Variants in ABTB2 observed in about 807,000 individuals in gnomAD.
ABTB2 encodes the protein ankyrin repeat and BTB/POZ domain-containing protein 2.
A neutral mutation model predicts 104.1 loss-of-function variants in ABTB2; 56 were observed. The observed-to-expected ratio is 0.54, with a 90% CI of 0.43 to 0.67. ABTB2 has a LOEUF of 0.67. Among genes scored for constraint, ABTB2 ranks in the 30% least tolerant of loss-of-function variants. The probability of loss-of-function intolerance (pLI) is 0.00; values close to 1 mark genes in which losing one functional copy is unlikely to be tolerated. For missense variants in ABTB2, 1,279 were observed against 1,407.7 expected, an observed-to-expected ratio of 0.91 and a Z score of 1.46; for synonymous variants, 606 against 608.2, an observed-to-expected ratio of 1.00 and a Z score of 0.05.
At chr11:34,160,405 C>G in intron 11 of ABTB2, 52 bp from the exon 12 acceptor site, 1 of 1,328,106 alleles carries the variant, frequency 7.5e-7, no homozygotes, top group Admixed American at 1.7e-5. Context: ...GCTGGCTGTT[C>G]ACAGATGCAG....
chr11:34,357,488 G>C lies in ABTB2; in HGVS notation c.96C>G (p.Leu32=). The C allele has an allele frequency of 1.3e-6, 2 of 1,544,298 alleles. No homozygotes were observed. Among genetic ancestry groups the C allele is most frequent in the African/African-American group, 1.4e-5 (1 of 73,154 alleles). ...GAGDSCRSLS[L]SSSKSNSQAL... Reference sequence around the variant, plus strand: ...CCTGCGAGTTGGACTTGGAGGACGAGAGGCTGAGCGAGCGGCACGAGTCCC... The same window carrying C: ...CCTGCGAGTTGGACTTGGAGGACGACAGGCTGAGCGAGCGGCACGAGTCCC... Residue 32 remains leucine, a synonymous_variant, in exon 1 of 17, where the codon CTC becomes CTG. Coordinates refer to ENST00000435224, the MANE Select transcript of ABTB2 (RefSeq NM_145804.3).
At chr11:34,226,877 C>G (rs1302227082) in intron 1 of ABTB2, among the ~76,000 whole-genome samples, 1 of 151,974 alleles carries the variant, frequency 6.6e-6, no homozygotes, top group Non-Finnish European at 1.5e-5. Context: ...ACCAGGCTGG[C>G]CAACATGGCA....
chr11:34,281,914 A>G (rs1854452637), intron 1 of ABTB2, among the ~76,000 whole-genome samples: 1 of 152,256 alleles, frequency 6.6e-6, no homozygotes, highest in African/African-American at 2.4e-5. Flanking sequence ...AACAGAGGAC[A>G]AATAAACTAT....
Position 34,154,642 on chromosome 11 carries a change from G to T in ABTB2, c.2766+59C>A. 4 of 1,554,456 alleles carry T rather than the reference G, an allele frequency of 2.6e-6. No homozygotes were observed. The highest frequency in any genetic ancestry group is 3.5e-6 in the Non-Finnish European group (4 of 1,128,272). ...CACCTTCCCTCTGAAGGGGGTGAATGGGAGACCGAGCCGCTGGGCACCCTA... is the reference window on the plus strand; with the variant it reads ...CACCTTCCCTCTGAAGGGGGTGAATTGGAGACCGAGCCGCTGGGCACCCTA... On this transcript the variant is annotated intron_variant, in intron 15 of 16. Coordinates refer to ENST00000435224, the MANE Select transcript of ABTB2 (RefSeq NM_145804.3). This position sits in a 1 kb window ranked among gnomAD's most constrained non-coding sequence, Gnocchi z 4.9.
chr11:34,266,567 G>T (rs1854253628), intron 1 of ABTB2, among the ~76,000 whole-genome samples: 2 of 152,146 alleles, frequency 1.3e-5, no homozygotes, highest in Admixed American at 6.5e-5. Flanking sequence ...GTTCTCTACA[G>T]CATGAACTCC....
intron 1 of ABTB2, among the ~76,000 whole-genome samples, chr11:34,246,565 C>A (rs1192621805): frequency 1.5e-5 from 2 of 132,590 alleles, no homozygotes; most frequent in Non-Finnish European, 3.1e-5. Context: ...CGCACCATTG[C>A]ACTCCAGCCT....
intron 3 of ABTB2, among the ~76,000 whole-genome samples, chr11:34,183,498 G>A (rs752110624): frequency 2.6e-5 from 4 of 152,212 alleles, no homozygotes; most frequent in South Asian, 2.1e-4. Context: ...TATGGTCACC[G>A]TACTGCCCTC....
In ABTB2 at chr11:34,335,256, G is replaced by A. The variant is rs149787252; in HGVS notation, c.883+21445C>T. 1.0e-3 allele frequency: 1,303 copies of A among 1,298,408 alleles called. 4 individuals are homozygous for A. In the African/African-American group the frequency reaches 0.013, roughly 13 times the overall value. 80.4% of individuals were successfully genotyped at this position (1,298,408 alleles called of 1,614,324 possible). A position where few individuals can be genotyped will look rare whatever the true frequency, so the allele number is the denominator to read the frequency against. ...TCATCAACAGAGAATCCTAAATGTC[G>A]GTAGCATTCATCAGTTTCAAAAAGA... is the stretch of plus-strand genomic sequence containing the variant. On this transcript the variant is annotated intron_variant, in intron 1 of 16. Coordinates refer to ENST00000435224, the MANE Select transcript of ABTB2 (RefSeq NM_145804.3).
At chr11:34,329,001 G>C (rs1420416223) in intron 1 of ABTB2, among the ~76,000 whole-genome samples, 1 of 152,206 alleles carries the variant, frequency 6.6e-6, no homozygotes, top group Non-Finnish European at 1.5e-5. Context: ...GACTAGAAGA[G>C]AAGTAACATT....
At chr11:34,205,725 C>T (rs1853401298) in intron 1 of ABTB2, among the ~76,000 whole-genome samples, 1 of 152,078 alleles carries the variant, frequency 6.6e-6, no homozygotes, top group Non-Finnish European at 1.5e-5. Flanking sequence ...GGTTAGAAGT[C>T]CCTAAACACG....
chr11:34,279,881 C>T (rs1564922293), intron 1 of ABTB2, among the ~76,000 whole-genome samples: 2 of 150,594 alleles, frequency 1.3e-5, no homozygotes, highest in Admixed American at 6.6e-5. Flanking sequence ...CTTGGCCTCC[C>T]GGGTTCAAGT....
intron 1 of ABTB2, among the ~76,000 whole-genome samples, chr11:34,239,198 GT>G (rs1313513459): frequency 2.6e-5 from 4 of 152,220 alleles, no homozygotes; most frequent in Non-Finnish European, 5.9e-5. Flanking sequence ...GGGAGGTGAA[GT>G]GGGCTCTGAG....
intron 5 of ABTB2, among the ~76,000 whole-genome samples, chr11:34,169,782 T>G (rs1852845148): frequency 1.3e-5 from 2 of 151,264 alleles, no homozygotes; most frequent in South Asian, 4.2e-4. Context: ...CCCACACTCC[T>G]TATGTCCCTT....
At chr11:34,279,778 TTTC>T (rs936235490) in intron 1 of ABTB2, among the ~76,000 whole-genome samples, 3 of 145,930 alleles carry the variant, frequency 2.1e-5, no homozygotes, top group Non-Finnish European at 4.5e-5. Context: ...TTTTCTTTTC[TTTC>T]TTCTTCTTTT....
chr11:34,268,879 G>A (rs112899354), intron 1 of ABTB2, among the ~76,000 whole-genome samples: 5 of 152,300 alleles, frequency 3.3e-5, no homozygotes, highest in African/African-American at 9.6e-5. Flanking sequence ...CACCAGGCAT[G>A]TTGGATGGGG....
intron 4 of ABTB2, among the ~76,000 whole-genome samples, chr11:34,172,437 T>TATAGGTAG (rs1852893514): frequency 1.1e-5 from 1 of 92,462 alleles, no homozygotes; most frequent in Admixed American, 1.1e-4. Context: ...TGTGTGTGTA[T>TATAGGTAG]ATAGATAGAT....
chr11:34,295,488 T>C (rs1854611305), intron 1 of ABTB2, among the ~76,000 whole-genome samples: 1 of 152,150 alleles, frequency 6.6e-6, no homozygotes, highest in Non-Finnish European at 1.5e-5. Context: ...AAGTCAGTAG[T>C]TGAATGTGAA....
At chr11:34,241,323 G>A (rs1853913146) in intron 1 of ABTB2, among the ~76,000 whole-genome samples, 1 of 152,164 alleles carries the variant, frequency 6.6e-6, no homozygotes, top group East Asian at 1.9e-4. Flanking sequence ...CCCCATGTGC[G>A]TTGAGAGAGC....
At chr11:34,236,616 G>A (rs1006642554) in intron 1 of ABTB2, among the ~76,000 whole-genome samples, 2 of 152,186 alleles carry the variant, frequency 1.3e-5, no homozygotes, top group Admixed American at 6.5e-5. Context: ...GATTTACTCC[G>A]GGAGGCCTCA....
Sources: allele counts gnomAD v4.1 joint callset (sites outside exome capture counted in the v4.1 genomes callset), GRCh38; gene constraint gnomAD v4.1.1; non-coding constraint Gnocchi (gnomAD v3.1); transcripts MANE v1.5; gene names NCBI Gene and HGNC (gene_info 2026-07-23, HGNC 2026-07-21).